Variants in MAGEB18 observed in about 807,000 individuals in gnomAD.
MAGEB18 encodes MAGE family member B18, also known as melanoma-associated antigen B18.
In MAGEB18, 6 loss-of-function variants were observed where a neutral mutation model predicts 6.3. That is an observed-to-expected ratio of 0.95 (90% CI 0.52 to 1.87). The LOEUF (loss-of-function observed/expected upper bound fraction) is 1.87, where lower values mean the gene tolerates loss of function less well. Among genes scored for constraint, MAGEB18 ranks in the 40% most tolerant of loss-of-function variants. MAGEB18 has a pLI of 0.01. For synonymous variants in MAGEB18, 93 were observed against 97.0 expected, an observed-to-expected ratio of 0.96 and a Z score of 0.24; for missense variants, 228 against 265.4, an observed-to-expected ratio of 0.86 and a Z score of 0.98.
In MAGEB18 at chrX:26,139,098, C is replaced by T; in HGVS notation, c.113C>T (p.Pro38Leu). 5 of 1,210,598 alleles carry T rather than the reference C, an allele frequency of 4.1e-6. No individual in the cohort carries two copies. The highest frequency in any genetic ancestry group is 5.6e-6 in the Non-Finnish European group (5 of 895,028). ...GCCACTGTGGCAGAAGGAGAGTCAC[C>T]CTCCCCTGCCTATCTTCTCTTTGGT... Reference protein sequence around the residue: ...TQATVAEGESPSPAYLLFGDR... With the variant: ...TQATVAEGESLSPAYLLFGDR... The change falls in exon 2 of 3, where the codon CCC (proline) becomes CTC (leucine). Residue 38 changes from proline to leucine, a missense_variant. By Grantham distance (98) the Pro-to-Leu change is moderately conservative. Coordinates refer to ENST00000325250, the MANE Select transcript of MAGEB18 (RefSeq NM_173699.4).
Sources: allele counts gnomAD v4.1 joint callset, GRCh38; gene constraint gnomAD v4.1.1; transcripts MANE v1.5; gene names NCBI Gene and HGNC (gene_info 2026-07-23, HGNC 2026-07-21).